Variants in SHLD2 observed in about 807,000 individuals in gnomAD.
The protein encoded by SHLD2 is shieldin complex subunit 2.
SHLD2 carries 30 observed loss-of-function variants against 73.2 expected under a neutral mutation model. The observed-to-expected ratio is 0.41, with a 90% CI of 0.31 to 0.56. The LOEUF (loss-of-function observed/expected upper bound fraction) is 0.56, where lower values mean the gene tolerates loss of function less well. Ranked by LOEUF, SHLD2 falls within the 20% of genes least tolerant of loss-of-function variation. The pLI, the probability that SHLD2 is intolerant of heterozygous loss-of-function variation, is 0.28. For missense variants in SHLD2, 745 were observed against 1,055.9 expected (o/e 0.71, Z 4.08); for synonymous variants, 285 against 370.1 (o/e 0.77, Z 2.64).
At chr10:87,189,618 A>C (rs1848897518) in intron 9 of SHLD2, among the ~76,000 whole-genome samples, 1 of 152,208 alleles carries the variant, frequency 6.6e-6, no homozygotes, top group South Asian at 2.1e-4. Flanking sequence ...CCCATCCAAG[A>C]AAGACTGTGA....
intron 9 of SHLD2, among the ~76,000 whole-genome samples, chr10:87,189,070 C>T (rs1848840993): frequency 1.4e-5 from 2 of 147,766 alleles, no homozygotes; most frequent in African/African-American, 5.0e-5. Flanking sequence ...GGTGCGATCT[C>T]AGTTCACCAT....
At chr10:87,177,209 C>T (rs1252294503) in intron 7 of SHLD2, among the ~76,000 whole-genome samples, 15 of 152,226 alleles carry the variant, frequency 9.9e-5, no homozygotes, top group South Asian at 2.1e-4. Flanking sequence ...TTTGCAGAGA[C>T]GTTTAGTTTG....
chr10:87,110,362 C>T lies in SHLD2; in HGVS notation c.-6+13373C>T, dbSNP rs553959014. Among the ~76,000 whole-genome samples the T allele has an allele frequency of 1.7e-4, 26 of 152,220 alleles. No individual in the cohort carries two copies. In the East Asian group the frequency reaches 2.9e-3, roughly 17 times the overall value. ...CAATGGCTCATGCCTGTAATCCCAG[C>T]ACTTTGGGAGGCCGAGGCGGGCGGA... On this transcript the variant is annotated intron_variant, in intron 2 of 9. Coordinates refer to ENST00000298786, the MANE Select transcript of SHLD2 (RefSeq NM_001330112.2).
intron 4 of SHLD2, among the ~76,000 whole-genome samples, chr10:87,162,140 AAAAAT>A: frequency 6.6e-6 from 1 of 152,296 alleles, no homozygotes; most frequent in Non-Finnish European, 1.5e-5. Flanking sequence ...TCTAAATGTA[AAAAAT>A]AAAATCATGC....
intron 1 of SHLD2, among the ~76,000 whole-genome samples, chr10:87,096,356 T>C (rs1025250254): frequency 6.6e-6 from 1 of 151,972 alleles, no homozygotes; most frequent in East Asian, 1.9e-4. Flanking sequence ...CAGTATATGA[T>C]TTATAAGCTT....
chr10:87,131,620 C>G (rs1174968278), intron 2 of SHLD2, among the ~76,000 whole-genome samples: 2 of 151,888 alleles, frequency 1.3e-5, no homozygotes, highest in African/African-American at 4.8e-5. Flanking sequence ...AGTTGATGAA[C>G]TTTTGGGTTG....
intron 2 of SHLD2, among the ~76,000 whole-genome samples, chr10:87,107,069 G>A (rs1279098709): frequency 1.7e-5 from 2 of 119,510 alleles, no homozygotes; most frequent in African/African-American, 6.4e-5. Context: ...TTTTTCTATA[G>A]ATATTAATCT....
chr10:87,125,440 A>G (rs1296272442), intron 2 of SHLD2, among the ~76,000 whole-genome samples: 1 of 152,222 alleles, frequency 6.6e-6, no homozygotes, highest in African/African-American at 2.4e-5. Context: ...TTTAACTTAT[A>G]ATTCTCAGTA....
intron 2 of SHLD2, among the ~76,000 whole-genome samples, chr10:87,139,465 A>C (rs1209113330): frequency 1.3e-5 from 2 of 152,158 alleles, no homozygotes; most frequent in Non-Finnish European, 2.9e-5. Context: ...ATCAATAGAA[A>C]AGAGACCTAG....
intron 2 of SHLD2, among the ~76,000 whole-genome samples, chr10:87,122,173 C>CA (rs10706744): frequency 0.26 from 22,651 of 86,318 alleles, 3,899 homozygotes; most frequent in African/African-American, 0.48. Context: ...CACTGACTGT[C>CA]AAAAAAAAAA....
rs1478289223 is a variant in SHLD2, at chr10:87,121,834, G to C, written c.-6+24845G>C. On this transcript the variant is annotated intron_variant, in intron 2 of 9. Transcript: ENST00000298786. Reference sequence around the variant, plus strand: ...GACTGGAGTACAGTGGTGTGATCTCGGCTCACTGCATCCTCCGCCTCCTAG... The same window carrying C: ...GACTGGAGTACAGTGGTGTGATCTCCGCTCACTGCATCCTCCGCCTCCTAG... 2.0e-5 allele frequency among the ~76,000 whole-genome samples: 3 copies of C among 147,100 alleles called. No homozygotes were observed. In the South Asian group the frequency reaches 6.5e-4, roughly 32 times the overall value.
intron 2 of SHLD2, among the ~76,000 whole-genome samples, chr10:87,117,940 T>C (rs1215737562): frequency 6.6e-6 from 1 of 152,236 alleles, no homozygotes; most frequent in Admixed American, 6.5e-5. Context: ...TCCAATAAGT[T>C]TGAGAAACTG....
At chr10:87,179,693 G>A (rs992531072) in intron 7 of SHLD2, among the ~76,000 whole-genome samples, 8 of 152,202 alleles carry the variant, frequency 5.3e-5, no homozygotes, top group Non-Finnish European at 8.8e-5. Context: ...GAGCCACTGC[G>A]CCCGGCCCCT....
At position 87,157,084 on chromosome 10, in the gene SHLD2, TA is replaced by T. The variant is rs545386107; in HGVS notation, c.1526-963del. Among the ~76,000 whole-genome samples, 497 of 152,232 alleles carry T rather than the reference TA, an allele frequency of 3.3e-3. 3 individuals carry two copies. Among genetic ancestry groups the T allele is most frequent in the African/African-American group, 0.011 (467 of 41,532 alleles). On this transcript the variant is annotated intron_variant, in intron 3 of 9. Transcript: ENST00000298786. ...GGAGAGGCAAGATGACTTCAGATGTTAGTTTACTTGATTAGCAGCATAGCGT... is the reference window on the plus strand; with the variant it reads ...GGAGAGGCAAGATGACTTCAGATGTTGTTTACTTGATTAGCAGCATAGCGT...
chr10:87,152,818 G>C lies in SHLD2; in HGVS notation c.1464G>C (p.Leu488=). ...DQSETKKKVF[L]WRTAAFWAFT... is the part of the protein sequence containing the mutation. ...CAGAAACTAAGAAGAAGGTTTTTCT[G>C]TGGAGGACTGCAGCATTTTGGGCAT... The change falls in exon 3 of 10, where the codon CTG becomes CTC. Residue 488 remains leucine (L), a synonymous_variant. Coordinates refer to ENST00000298786, the MANE Select transcript of SHLD2 (RefSeq NM_001330112.2). The C allele has an allele frequency of 1.9e-6, 3 of 1,611,712 alleles. No individual in the cohort carries two copies. The highest frequency in any genetic ancestry group is 2.5e-6 in the Non-Finnish European group (3 of 1,179,796).
At position 87,149,880 on chromosome 10, in the gene SHLD2, C is replaced by T. The variant is rs575770813; in HGVS notation, c.-5-1470C>T. 2.6e-5 allele frequency among the ~76,000 whole-genome samples: 4 copies of T among 152,198 alleles called. No individual in the cohort carries two copies. In the South Asian group the frequency reaches 8.3e-4, roughly 32 times the overall value. ...AGTAGCTGGGACTATAGGTGTTCCACTACTATGTCCAGCTAATTTTAAGAA... is the reference window on the plus strand; with the variant it reads ...AGTAGCTGGGACTATAGGTGTTCCATTACTATGTCCAGCTAATTTTAAGAA... On this transcript the variant is annotated intron_variant, in intron 2 of 9. Coordinates refer to ENST00000298786, the MANE Select transcript of SHLD2 (RefSeq NM_001330112.2).
intron 2 of SHLD2, among the ~76,000 whole-genome samples, chr10:87,142,613 G>A (rs1327415001): frequency 2.0e-5 from 3 of 152,286 alleles, no homozygotes; most frequent in Non-Finnish European, 4.4e-5. Context: ...GATTTGATGA[G>A]AAATTGGAAG....
At position 87,155,499 on chromosome 10, in the gene SHLD2, GA is replaced by G. The variant is rs869107442; in HGVS notation, c.1526-2540del. 5.3e-5 allele frequency among the ~76,000 whole-genome samples: 8 copies of G among 150,018 alleles called. No individual in the cohort carries two copies. The South Asian group carries it at 8.4e-4, about 16-fold the overall frequency. On this transcript the variant is annotated intron_variant, in intron 3 of 9. Transcript: ENST00000298786. ...GGGCAATTAATGCCTCATTGTAAAT[GA>G]AAAAAAAATTTTTTTTTCTTTAATT...
intron 2 of SHLD2, among the ~76,000 whole-genome samples, chr10:87,102,616 G>A (rs1271797310): frequency 6.6e-6 from 1 of 152,158 alleles, no homozygotes; most frequent in African/African-American, 2.4e-5. Context: ...GGCTGAGGCA[G>A]GAGAATTGCT....
Sources: gnomAD v4.1 joint callset for allele counts (sites outside exome capture counted in the v4.1 genomes callset) on GRCh38, gnomAD v4.1.1 for gene constraint, MANE v1.5 for transcripts, NCBI Gene and HGNC (gene_info 2026-07-23, HGNC 2026-07-21) for gene names.